Variants in EIF2AK4 observed in about 807,000 individuals in gnomAD.
EIF2AK4 encodes eIF-2-alpha kinase GCN2.
EIF2AK4 carries 139 observed loss-of-function variants against 211.1 expected under a neutral mutation model. The ratio of observed to expected loss-of-function variants is 0.66; its 90% confidence interval spans 0.57 to 0.76. The LOEUF (loss-of-function observed/expected upper bound fraction) is 0.76, where lower values mean the gene tolerates loss of function less well. EIF2AK4 is among the 30% of genes least tolerant of loss of function. EIF2AK4 has a pLI of 0.00. For missense variants in EIF2AK4, 1,664 were observed against 2,043.8 expected (o/e 0.81, Z 3.58); for synonymous variants, 710 against 751.3 (o/e 0.94, Z 0.90).
At position 40,017,671 on chromosome 15, in the gene EIF2AK4, G is replaced by A. The variant is rs534544148; in HGVS notation, c.4065+429G>A. ...AATGATTCTCTCACCTTAGCCTCCC[G>A]AGTAGCTGAGACTACAGGCATGCAC... is the stretch of plus-strand genomic sequence containing the variant. On this transcript the variant is annotated intron_variant, in intron 29 of 38. Transcript: ENST00000263791. Among the ~76,000 whole-genome samples, 20 of 150,152 alleles carry A rather than the reference G, an allele frequency of 1.3e-4. No individual in the cohort carries two copies. The East Asian group carries it at 2.9e-3, about 22-fold the overall frequency.
chr15:39,984,068 A>G (rs1218178872), intron 13 of EIF2AK4, among the ~76,000 whole-genome samples: 2 of 152,198 alleles, frequency 1.3e-5, no homozygotes, highest in East Asian at 1.9e-4. Context: ...CTTTCTGCAT[A>G]TGGCTAGCCA....
At chr15:40,012,811 A>C (rs1393506384) in intron 27 of EIF2AK4, among the ~76,000 whole-genome samples, 1 of 152,270 alleles carries the variant, frequency 6.6e-6, no homozygotes, top group East Asian at 1.9e-4. Context: ...TGTCTGATTC[A>C]GTTAAAAACA....
intron 7 of EIF2AK4, 73 bp downstream of exon 7, chr15:39,961,972 A>C: frequency 8.5e-7 from 1 of 1,175,896 alleles, no homozygotes; most frequent in Non-Finnish European, 1.3e-6. Context: ...GGGATGGATT[A>C]GACACTGTGT....
intron 27 of EIF2AK4, among the ~76,000 whole-genome samples, 159 bp downstream of exon 27, chr15:40,011,505 G>A (rs2035235203): frequency 1.3e-5 from 2 of 152,148 alleles, no homozygotes; most frequent in African/African-American, 4.8e-5. Context: ...GGCAACCTCT[G>A]GGATTAGGAG....
chr15:39,971,805 T>C (rs935379787), intron 9 of EIF2AK4, among the ~76,000 whole-genome samples: 3 of 152,200 alleles, frequency 2.0e-5, no homozygotes, highest in African/African-American at 7.2e-5. Flanking sequence ...TTAGCTTGCA[T>C]TGAAATCATT....
intron 13 of EIF2AK4, among the ~76,000 whole-genome samples, chr15:39,981,850 T>G (rs2034792981): frequency 6.6e-6 from 1 of 151,734 alleles, no homozygotes; most frequent in South Asian, 2.1e-4. Context: ...GGTCATTCAC[T>G]GTAAGTGGCA....
chr15:40,022,629 C>T (rs753111361), intron 32 of EIF2AK4, 24 bp downstream of exon 32: 45 of 1,608,178 alleles, frequency 2.8e-5, no homozygotes, highest in Non-Finnish European at 3.7e-5. Flanking sequence ...AGATTTTTTA[C>T]AATTCAATAG....
chr15:39,949,525 T>C (rs1221121809), intron 4 of EIF2AK4, among the ~76,000 whole-genome samples: 1 of 152,208 alleles, frequency 6.6e-6, no homozygotes, highest in Admixed American at 6.5e-5. Context: ...AAACCACCTG[T>C]GGTCTTTTGG....
intron 30 of EIF2AK4, 175 bp from the exon 31 acceptor site, chr15:40,020,721 CTTT>C (rs57323541): frequency 7.1e-3 from 2,081 of 293,264 alleles, no homozygotes; most frequent in East Asian, 0.013. Flanking sequence ...TTGAGTGTGT[CTTT>C]TTTTTTTTTT....
Position 40,019,232 on chromosome 15 carries a change from C to A in EIF2AK4, c.4173+32C>A, listed in dbSNP as rs201918855. On this transcript the variant is annotated intron_variant, in intron 30 of 38. Transcript: ENST00000263791. ...TCTGGCTTGGCTTCCCAGCATACTT[C>A]GAGGTGTCTTTCATTTCTAAAAGTA... The A allele has an allele frequency of 8.9e-6, 13 of 1,468,812 alleles. No homozygotes were observed. In the East Asian group the frequency reaches 3.2e-4, roughly 36 times the overall value. 91.0% of individuals were successfully genotyped at this position (1,468,812 alleles called of 1,614,324 possible).
chr15:40,032,918 G>C (rs2140952887), intron 37 of EIF2AK4, 117 bp downstream of exon 37: 1 of 770,292 alleles, frequency 1.3e-6, no homozygotes, highest in African/African-American at 1.8e-5. Flanking sequence ...GGCAGCTGCA[G>C]GAATTTAGTA....
intron 34 of EIF2AK4, among the ~76,000 whole-genome samples, chr15:40,029,776 T>C (rs143115554): frequency 6.6e-6 from 1 of 152,316 alleles, no homozygotes; most frequent in Admixed American, 6.5e-5. Context: ...ATACAGAGGA[T>C]TGAAGGAAGT....
At chr15:39,982,211 A>G (rs1164471700) in intron 13 of EIF2AK4, among the ~76,000 whole-genome samples, 2 of 152,184 alleles carry the variant, frequency 1.3e-5, no homozygotes, top group Non-Finnish European at 2.9e-5. Context: ...GGCGTGAGCC[A>G]TCGTGCCCAG....
In EIF2AK4 at chr15:39,951,185, C is replaced by CTTTG. The variant is rs550418977; in HGVS notation, c.513+1933_513+1936dup. Reference sequence around the variant, plus strand: ...CCATCATAGTGGATTCTTTTTGTTTCTTTGTTTGTTTGTTTGTTTTTGAGA... The same window carrying CTTTG: ...CCATCATAGTGGATTCTTTTTGTTTCTTTGTTTGTTTGTTTGTTTGTTTTTGAGA... On this transcript the variant is annotated intron_variant, in intron 4 of 38. Coordinates refer to ENST00000263791, the MANE Select transcript of EIF2AK4 (RefSeq NM_001013703.4). 4.6e-5 allele frequency among the ~76,000 whole-genome samples: 7 copies of CTTTG among 151,940 alleles called. No individual in the cohort carries two copies. In the South Asian group the frequency reaches 8.3e-4, roughly 18 times the overall value.
In EIF2AK4 at chr15:39,934,352, C is replaced by CT; in HGVS notation, c.144+15dup. The CT allele has an allele frequency of 6.3e-7, 1 of 1,598,984 alleles. No individual in the cohort carries two copies. The highest frequency in any genetic ancestry group is 8.5e-7 in the Non-Finnish European group (1 of 1,173,478). ...CGCTTGCGGACCGGTAGGAACGTGG[C>CT]TTGTCAGGCCCGGGCTGGCGTGCCC... On this transcript the variant is annotated intron_variant, in intron 1 of 38. Coordinates refer to ENST00000263791, the MANE Select transcript of EIF2AK4 (RefSeq NM_001013703.4).
At chr15:39,998,858 A>G in intron 20 of EIF2AK4, 74 bp downstream of exon 20, 1 of 1,253,736 alleles carries the variant, frequency 8.0e-7, no homozygotes, top group South Asian at 1.4e-5. Flanking sequence ...TTTTTCAATT[A>G]GTAATCTTCT....
chr15:39,982,128 G>C (rs930870137), intron 13 of EIF2AK4, among the ~76,000 whole-genome samples: 65 of 152,250 alleles, frequency 4.3e-4, no homozygotes, highest in Non-Finnish European at 8.5e-4. Flanking sequence ...GTTTCACCGT[G>C]TTAGCCAGGA....
At chr15:40,017,962 G>A (rs1009165134) in intron 29 of EIF2AK4, among the ~76,000 whole-genome samples, 2 of 152,050 alleles carry the variant, frequency 1.3e-5, no homozygotes, top group Non-Finnish European at 2.9e-5. Flanking sequence ...CATAATCAAG[G>A]TACAGAACTA....
intron 38 of EIF2AK4, among the ~76,000 whole-genome samples, chr15:40,034,662 T>G (rs1434093699): frequency 6.6e-6 from 1 of 152,220 alleles, no homozygotes; most frequent in African/African-American, 2.4e-5. Flanking sequence ...CTGTCCCAAT[T>G]ACAATTTTGT....
Sources: gnomAD v4.1 joint callset for allele counts (sites outside exome capture counted in the v4.1 genomes callset) on GRCh38, gnomAD v4.1.1 for gene constraint, MANE v1.5 for transcripts, NCBI Gene and HGNC (gene_info 2026-07-23, HGNC 2026-07-21) for gene names.